PCDHGA12: variants seen among roughly 807,000 people sequenced by gnomAD.
PCDHGA12 encodes protocadherin gamma subfamily A, 12, also known as protocadherin gamma-A12.
Under a neutral mutation model 61.1 loss-of-function variants are expected in PCDHGA12, and 43 were observed. That is an observed-to-expected ratio of 0.70 (90% CI 0.55 to 0.91). The LOEUF is 0.91. Ranked by LOEUF, PCDHGA12 falls within the 40% of genes least tolerant of loss-of-function variation. The pLI is 0.00. For synonymous variants in PCDHGA12, 520 were observed against 542.9 expected (o/e 0.96, Z 0.59); for missense variants, 1,236 against 1,227.7 (o/e 1.01, Z -0.10).
At chr5:141,462,698 G>A (rs2099045237) in intron 1 of PCDHGA12, among the ~76,000 whole-genome samples, 1 of 152,062 alleles carries the variant, frequency 6.6e-6, no homozygotes. Context: ...ATTTATAATG[G>A]AGGTTTTAAA....
intron 1 of PCDHGA12, among the ~76,000 whole-genome samples, chr5:141,467,305 G>A (rs535466592): frequency 1.3e-5 from 2 of 152,078 alleles, no homozygotes; most frequent in African/African-American, 4.8e-5. Flanking sequence ...CACTCACCTC[G>A]GCCTCCCACA....
intron 2 of PCDHGA12, among the ~76,000 whole-genome samples, chr5:141,502,358 TA>T (rs1283802909): frequency 6.6e-6 from 1 of 152,134 alleles, no homozygotes; most frequent in African/African-American, 2.4e-5. Context: ...ATGACATGGA[TA>T]TTTTTAAAGA....
chr5:141,500,883 T>G (rs1250275850), intron 2 of PCDHGA12, among the ~76,000 whole-genome samples: 2 of 97,532 alleles, frequency 2.1e-5, no homozygotes, highest in African/African-American at 1.2e-4. Context: ...TACAATTTTT[T>G]TTTTTTGAGA....
chr5:141,498,045 A>G (rs1368474174), intron 2 of PCDHGA12, among the ~76,000 whole-genome samples: 4 of 152,256 alleles, frequency 2.6e-5, no homozygotes, highest in Non-Finnish European at 4.4e-5. Flanking sequence ...AATTACAAAA[A>G]TAAATGTGAG....
chr5:141,499,721 G>GTC (rs1434016871), intron 2 of PCDHGA12, among the ~76,000 whole-genome samples: 69 of 135,416 alleles, frequency 5.1e-4, no homozygotes, highest in African/African-American at 1.9e-3. Flanking sequence ...TGGAGACAGA[G>GTC]TCTCACTCTC....
In PCDHGA12 at chr5:141,431,371, A is replaced by G. The variant is rs2097366432; in HGVS notation, c.612A>G (p.Glu204=). The G allele has an allele frequency of 6.2e-7, 1 of 1,613,998 alleles. No individual in the cohort carries two copies. The highest frequency in any genetic ancestry group is 8.5e-7 in the Non-Finnish European group (1 of 1,180,038). ...LVLKRALDRE[E]KAAHHLVLTA... ...TGAAACGCGCCCTGGACCGCGAAGA[A>G]AAGGCTGCTCACCACCTGGTCCTTA... Residue 204 remains glutamate, a synonymous_variant, in exon 1 of 4, where the codon GAA becomes GAG. Transcript: ENST00000252085. The surrounding 1 kb of genome is among the most constrained non-coding windows in gnomAD (Gnocchi z 4.8).
intron 1 of PCDHGA12, 33 bp from the exon 2 acceptor site, chr5:141,494,774 T>C (rs1462930792): frequency 6.2e-7 from 1 of 1,613,860 alleles, no homozygotes; most frequent in African/African-American, 1.3e-5. Flanking sequence ...TTCTCACGGG[T>C]ACTCAGCCCC....
chr5:141,434,254 T>C (rs1440934691), intron 1 of PCDHGA12, among the ~76,000 whole-genome samples: 3 of 152,176 alleles, frequency 2.0e-5, no homozygotes, highest in Admixed American at 6.5e-5. Context: ...TTGGGCATTG[T>C]GGGGGAGGTG....
At chr5:141,480,942 G>T (rs2099528600) in intron 1 of PCDHGA12, among the ~76,000 whole-genome samples, 3 of 152,132 alleles carry the variant, frequency 2.0e-5, no homozygotes, top group Non-Finnish European at 2.9e-5. Flanking sequence ...CTACTCTAGA[G>T]GCTGAGGCGG....
chr5:141,489,225 A>G lies in PCDHGA12; in HGVS notation c.2425-5582A>G. 3 of 1,518,230 alleles carry G rather than the reference A, an allele frequency of 2.0e-6. No individual in the cohort carries two copies. Among genetic ancestry groups the G allele is most frequent in the East Asian group, 2.3e-5 (1 of 44,234 alleles). 94.0% of individuals were successfully genotyped at this position (1,518,230 alleles called of 1,614,324 possible). On this transcript the variant is annotated intron_variant, in intron 1 of 3. Coordinates refer to ENST00000252085, the MANE Select transcript of PCDHGA12 (RefSeq NM_003735.3). The surrounding 1 kb of genome is among the most constrained non-coding windows in gnomAD (Gnocchi z 4.5). ...GGACAGCACAGACTTACTCTCCACA[A>G]AGGGACTTCTGGGTCATGGGGCCCA...
At position 141,433,401 on chromosome 5, in the gene PCDHGA12, A is replaced by C. The variant is rs181247960; in HGVS notation, c.2424+218A>C. ...TATCTATCTATCTATCTATCTATCT[A>C]TCTATTACTTTCTTGTACAGACAGG... On this transcript the variant is annotated intron_variant, in intron 1 of 3. Transcript: ENST00000252085. Among the ~76,000 whole-genome samples, 679 of 150,596 alleles carry C rather than the reference A, an allele frequency of 4.5e-3. 8 individuals carry two copies. The highest frequency in any genetic ancestry group is 0.015 in the African/African-American group (630 of 40,956).
chr5:141,431,547 T>TA lies in PCDHGA12; in HGVS notation c.789dup (p.Val264SerfsTer7). On this transcript the variant is annotated frameshift_variant, in exon 1 of 4. Transcript: ENST00000252085. LOFTEE classifies it high-confidence loss of function. The surrounding 1 kb of genome is among the most constrained non-coding windows in gnomAD (Gnocchi z 4.8). ...CTGGCCTTGGGCACGCAGCTGCTTG[T>TA]AGTCAACGCTACCGACCCTGACGAA... 6.2e-7 allele frequency: 1 copy of TA among 1,614,096 alleles called. No individual in the cohort carries two copies. The highest frequency in any genetic ancestry group is 8.5e-7 in the Non-Finnish European group (1 of 1,180,022).
chr5:141,478,521 G>A, intron 1 of PCDHGA12: 1 of 1,610,618 alleles, frequency 6.2e-7, no homozygotes, highest in Non-Finnish European at 8.5e-7. Context: ...CAGGTGTTGG[G>A]TGCAGAGAGC....
chr5:141,495,424 A>C (rs927637242), intron 2 of PCDHGA12, among the ~76,000 whole-genome samples: 1 of 152,088 alleles, frequency 6.6e-6, no homozygotes, highest in African/African-American at 2.4e-5. Context: ...CCCTCCTCCC[A>C]CTGTCCTCTG....
intron 1 of PCDHGA12, among the ~76,000 whole-genome samples, chr5:141,474,193 A>C (rs2099345142): frequency 6.6e-6 from 1 of 152,256 alleles, no homozygotes. Context: ...TACATTTTTA[A>C]AAGCTGATTT....
At chr5:141,468,853 G>C (rs893773356) in intron 1 of PCDHGA12, among the ~76,000 whole-genome samples, 5 of 150,898 alleles carry the variant, frequency 3.3e-5, no homozygotes, top group Non-Finnish European at 7.4e-5. Flanking sequence ...GCAACAGAGC[G>C]AGACTCCATC....
chr5:141,493,935 C>T lies in PCDHGA12; in HGVS notation c.2425-872C>T, dbSNP rs1317863228. Among the ~76,000 whole-genome samples the T allele has an allele frequency of 6.6e-6, 1 of 152,158 alleles. No homozygotes were observed. Among genetic ancestry groups the T allele is most frequent in the Non-Finnish European group, 1.5e-5 (1 of 68,020 alleles). On this transcript the variant is annotated intron_variant, in intron 1 of 3. Coordinates refer to ENST00000252085, the MANE Select transcript of PCDHGA12 (RefSeq NM_003735.3). This position sits in a 1 kb window ranked among gnomAD's most constrained non-coding sequence, Gnocchi z 4.3. Reference sequence around the variant, plus strand: ...TGGGATAACACACCCCCTGGAAAGACCAGAAGGGACTCAGGAATGAAGTGG... The same window carrying T: ...TGGGATAACACACCCCCTGGAAAGATCAGAAGGGACTCAGGAATGAAGTGG...
intron 1 of PCDHGA12, among the ~76,000 whole-genome samples, chr5:141,454,032 C>T (rs2098780173): frequency 6.6e-6 from 1 of 152,126 alleles, no homozygotes; most frequent in Non-Finnish European, 1.5e-5. Flanking sequence ...AAGAATTGGC[C>T]AGCAAAGATA....
intron 1 of PCDHGA12, among the ~76,000 whole-genome samples, chr5:141,438,223 CA>C: frequency 6.6e-6 from 1 of 151,912 alleles, no homozygotes; most frequent in Non-Finnish European, 1.5e-5. Context: ...GGCTCTGGTT[CA>C]GGAAAATGTT....
Sources: allele counts gnomAD v4.1 joint callset (sites outside exome capture counted in the v4.1 genomes callset), GRCh38; gene constraint gnomAD v4.1.1; non-coding constraint Gnocchi (gnomAD v3.1); transcripts MANE v1.5; gene names NCBI Gene and HGNC (gene_info 2026-07-23, HGNC 2026-07-21).